Variants in FOCAD observed in about 807,000 individuals in gnomAD.
The protein encoded by FOCAD is KIAA1797.
A neutral mutation model predicts 225.6 loss-of-function variants in FOCAD; 198 were observed. The ratio of observed to expected loss-of-function variants is 0.88; its 90% CI spans 0.78 to 0.99. The LOEUF (loss-of-function observed/expected upper bound fraction) is 0.99, where lower values mean the gene tolerates loss of function less well. FOCAD is among the 50% of genes least tolerant of loss of function. The probability of loss-of-function intolerance (pLI) is 0.00; values close to 1 mark genes in which losing one functional copy is unlikely to be tolerated. For synonymous variants in FOCAD, 897 were observed against 755.0 expected, an observed-to-expected ratio of 1.19 and a Z score of -3.08; for missense variants, 2,713 against 2,123.6, an observed-to-expected ratio of 1.28 and a Z score of -5.46.
In FOCAD at chr9:20,702,669, G is replaced by C. The variant is rs111808505; in HGVS notation, c.-32-12653G>C. ...TTTGACAGTACCTGCCTGGCACATG[G>C]TAAAATTCTCAATAAATCCTGGCTG... On this transcript the variant is annotated intron_variant, in intron 1 of 43. Transcript: ENST00000338382. Among the ~76,000 whole-genome samples, 1,236 of 152,236 alleles carry C rather than the reference G, an allele frequency of 8.1e-3. 18 individuals carry two copies. The highest frequency in any genetic ancestry group is 0.028 in the African/African-American group (1,171 of 41,514).
chr9:20,763,791 G>T (rs1219148813), intron 6 of FOCAD, among the ~76,000 whole-genome samples: 1 of 152,130 alleles, frequency 6.6e-6, no homozygotes. Context: ...TGTGTGAATT[G>T]GGCTAGATAC....
intron 28 of FOCAD, among the ~76,000 whole-genome samples, chr9:20,937,527 T>C (rs1371015783): frequency 5.9e-5 from 9 of 151,630 alleles, no homozygotes; most frequent in African/African-American, 2.2e-4. Flanking sequence ...GCTAGCCATA[T>C]GTAGAAAGCT....
chr9:20,673,256 T>G (rs1822130148), intron 2 of FOCAD, among the ~76,000 whole-genome samples: 1 of 152,224 alleles, frequency 6.6e-6, no homozygotes, highest in Admixed American at 6.5e-5. Context: ...TTATGTGGGT[T>G]TATGTTTTAA....
chr9:20,797,847 C>G (rs1463905904), intron 11 of FOCAD, among the ~76,000 whole-genome samples: 1 of 152,086 alleles, frequency 6.6e-6, no homozygotes, highest in African/African-American at 2.4e-5. Context: ...TTTCCTTCTT[C>G]TGCCTGATTG....
At position 20,769,075 on chromosome 9, in the gene FOCAD, T is replaced by C. The variant is rs199683692; in HGVS notation, c.700-957T>C. Among the ~76,000 whole-genome samples, 23 of 152,352 alleles carry C rather than the reference T, an allele frequency of 1.5e-4. No individual in the cohort carries two copies. In the East Asian group the frequency reaches 4.4e-3, roughly 29 times the overall value. The stretch of plus-strand genomic sequence containing the variant: ...TTAAATCCGTCTCTTCTCTGTGGCC[T>C]TTTGACTTTCCTACTGTGTGTTTGC... On this transcript the variant is annotated intron_variant, in intron 7 of 43. Transcript: ENST00000338382.
intron 11 of FOCAD, among the ~76,000 whole-genome samples, chr9:20,803,132 G>A (rs1041550195): frequency 6.6e-6 from 1 of 151,976 alleles, no homozygotes; most frequent in Non-Finnish European, 1.5e-5. Flanking sequence ...TGCATTAAGT[G>A]GACTTATCAT....
intron 9 of FOCAD, among the ~76,000 whole-genome samples, chr9:20,780,358 G>A (rs1380970432): frequency 6.6e-6 from 1 of 152,174 alleles, no homozygotes; most frequent in African/African-American, 2.4e-5. Flanking sequence ...CTGAAGCTAT[G>A]TTCTTATATT....
At chr9:20,820,556 GT>G (rs1824211817) in intron 13 of FOCAD, 131 bp downstream of exon 13, 2 of 696,618 alleles carry the variant, frequency 2.9e-6, no homozygotes, top group Admixed American at 3.2e-5. Context: ...CATTGAAAAA[GT>G]TTTGATTTAT....
intron 26 of FOCAD, among the ~76,000 whole-genome samples, chr9:20,928,052 T>C (rs186428973): frequency 1.3e-5 from 2 of 152,142 alleles, no homozygotes; most frequent in Non-Finnish European, 2.9e-5. Flanking sequence ...CTGTCAGAAG[T>C]GTTCTTATTT....
In FOCAD at chr9:20,764,919, A is replaced by G. The variant is rs957948486; in HGVS notation, c.545A>G (p.Tyr182Cys). 7 of 1,614,038 alleles carry G rather than the reference A, an allele frequency of 4.3e-6. No individual in the cohort carries two copies. The African/African-American group carries it at 6.7e-5, about 15-fold the overall frequency. ...QIMAPFLWYL[Y>C]CEPSQLQEYA... ...ATGGCACCATTTCTGTGGTATCTGT[A>G]TTGTGAACCATCTCAGTTACAAGAA... Residue 182 changes from tyrosine (Y) to cysteine (C), a missense_variant, in exon 7 of 44, where the codon TAT becomes TGT. By Grantham distance (194) the Tyr-to-Cys change is radical (BLOSUM62 -2). Coordinates refer to ENST00000338382, the MANE Select transcript of FOCAD (RefSeq NM_001375567.1).
chr9:20,882,810 G>A (rs1241816772), intron 20 of FOCAD, among the ~76,000 whole-genome samples: 1 of 152,150 alleles, frequency 6.6e-6, no homozygotes, highest in Non-Finnish European at 1.5e-5. Context: ...GAAGCTTTAT[G>A]GGATGGAAAG....
In FOCAD at chr9:20,907,719, ATTCT is replaced by A. The variant is rs1833098716; in HGVS notation, c.2718+482_2718+485del. The stretch of plus-strand genomic sequence containing the variant: ...TAACCTCTTAGCTTTTAAACACACT[ATTCT>A]TTCTGTCTCTGACCCTGCCACTCCC... On this transcript the variant is annotated intron_variant, in intron 22 of 43. Coordinates refer to ENST00000338382, the MANE Select transcript of FOCAD (RefSeq NM_001375567.1). 2.0e-5 allele frequency among the ~76,000 whole-genome samples: 3 copies of A among 151,932 alleles called. 1 individual carries two copies. The South Asian group carries it at 6.2e-4, about 32-fold the overall frequency.
At chr9:20,694,541 C>T (rs990859117) in intron 1 of FOCAD, 1 of 152,098 alleles carries the variant, frequency 6.6e-6, no homozygotes, top group South Asian at 2.1e-4. Context: ...AATTTCCATC[C>T]ACACAGATTA....
intron 4 of FOCAD, among the ~76,000 whole-genome samples, chr9:20,728,450 T>G (rs1279016635): frequency 2.0e-5 from 3 of 152,208 alleles, no homozygotes. Flanking sequence ...GTCACATGGC[T>G]TCAGGTGTGG....
intron 1 of FOCAD, among the ~76,000 whole-genome samples, chr9:20,701,684 G>T (rs534919541): frequency 2.0e-5 from 3 of 152,344 alleles, no homozygotes; most frequent in Admixed American, 6.5e-5. Context: ...ATATACAGAT[G>T]TGGGAGATGT....
chr9:20,877,019 G>C (rs1830280001), intron 19 of FOCAD, among the ~76,000 whole-genome samples: 1 of 152,156 alleles, frequency 6.6e-6, no homozygotes, highest in South Asian at 2.1e-4. Flanking sequence ...ACAGTTTAGA[G>C]AGTTCTGTGT....
chr9:20,872,803 A>C (rs1442563550), intron 18 of FOCAD: 2 of 152,110 alleles, frequency 1.3e-5, no homozygotes, highest in Non-Finnish European at 2.9e-5. Context: ...CTCTCTCAGC[A>C]GTCAGTCTCC....
At chr9:20,702,418 C>T (rs924904007) in intron 1 of FOCAD, among the ~76,000 whole-genome samples, 5 of 152,012 alleles carry the variant, frequency 3.3e-5, no homozygotes, top group Non-Finnish European at 5.9e-5. Flanking sequence ...CTTAGTTTTA[C>T]AAAAACTTTA....
chr9:20,819,696 T>G, intron 11 of FOCAD, 100 bp from the exon 12 acceptor site: 1 of 532,082 alleles, frequency 1.9e-6, no homozygotes, highest in Admixed American at 3.9e-5. Flanking sequence ...AATTCATTCA[T>G]ATTCATATTA....
Sources: gnomAD v4.1 joint callset for allele counts (sites outside exome capture counted in the v4.1 genomes callset) on GRCh38, gnomAD v4.1.1 for gene constraint, MANE v1.5 for transcripts, NCBI Gene and HGNC (gene_info 2026-07-23, HGNC 2026-07-21) for gene names.